The following RNF115 variants were observed in gnomAD, a reference collection of about 807,000 sequenced individuals.
RNF115 encodes the protein ring finger protein 115.
RNF115 carries 31 observed loss-of-function variants against 39.2 expected under a neutral mutation model. That is an observed-to-expected ratio of 0.79 (90% confidence interval 0.59 to 1.07). The LOEUF (loss-of-function observed/expected upper bound fraction) is 1.07. Among genes scored for constraint, RNF115 ranks in the 50% least tolerant of loss-of-function variants. RNF115 has a pLI of 0.00. For missense variants in RNF115, 384 were observed against 381.7 expected (o/e 1.01, Z -0.05); for synonymous variants, 124 against 131.0 (o/e 0.95, Z 0.37).
rs1158561670 is a variant in RNF115, at chr1:145,803,245, T to C, written c.103-14279A>G. On this transcript the variant is annotated intron_variant, in intron 1 of 8. Coordinates refer to ENST00000582693, the MANE Select transcript of RNF115 (RefSeq NM_014455.4). ...ATCAGTTTACTAAAAAGGAAAACAA[T>C]AGGCCACAGTTTCAGTGTTACACAA... Among the ~76,000 whole-genome samples, 3 of 136,936 alleles carry C rather than the reference T, an allele frequency of 2.2e-5. No individual in the cohort carries two copies. The East Asian group carries it at 6.0e-4, about 27-fold the overall frequency. 89.8% of individuals were successfully genotyped at this position (136,936 alleles called of 152,430 possible).
chr1:145,774,604 G>A (rs1647795105), intron 3 of RNF115, among the ~76,000 whole-genome samples: 1 of 152,072 alleles, frequency 6.6e-6, no homozygotes, highest in Non-Finnish European at 1.5e-5. Flanking sequence ...GCCCACCTCG[G>A]CCTCCCAAAG....
chr1:145,812,528 C>T lies in RNF115; in HGVS notation c.102+11244G>A, dbSNP rs1226548522. 5.3e-5 allele frequency among the ~76,000 whole-genome samples: 8 copies of T among 151,554 alleles called. No individual in the cohort carries two copies. In the East Asian group the frequency reaches 7.8e-4, roughly 15 times the overall value. ...TACAAAAATTAGCCAGGTGTGGTGG[C>T]GCACACCCATAATCTCAGTTACTCG... is the stretch of plus-strand genomic sequence containing the variant. On this transcript the variant is annotated intron_variant, in intron 1 of 8. Transcript: ENST00000582693.
At chr1:145,802,730 G>A (rs587702856) in intron 1 of RNF115, among the ~76,000 whole-genome samples, 28 of 152,272 alleles carry the variant, frequency 1.8e-4, no homozygotes, top group African/African-American at 6.7e-4. Flanking sequence ...TTTTAAGTTA[G>A]TCACATTCTA....
In RNF115 at chr1:145,740,818, A is replaced by G. The variant is rs963977704; in HGVS notation, c.*6048T>C. ...AAAAATACTAATAATATGGCTATCAAGTTGTTGGAAGGGAATCTAATAATT... is the reference window on the plus strand; with the variant it reads ...AAAAATACTAATAATATGGCTATCAGGTTGTTGGAAGGGAATCTAATAATT... On this transcript the variant is annotated 3_prime_UTR_variant, in exon 9 of 9. Coordinates refer to ENST00000582693, the MANE Select transcript of RNF115 (RefSeq NM_014455.4). 1.3e-5 allele frequency: 2 copies of G among 152,182 alleles called. No homozygotes were observed. The highest frequency in any genetic ancestry group is 2.4e-5 in the African/African-American group (1 of 41,440). 9.4% of individuals were successfully genotyped at this position (152,182 alleles called of 1,614,324 possible).
At chr1:145,814,747 CATTTAT>C (rs1553723220) in intron 1 of RNF115, among the ~76,000 whole-genome samples, 2 of 152,044 alleles carry the variant, frequency 1.3e-5, no homozygotes, top group African/African-American at 4.8e-5. Context: ...CCAATATATA[CATTTAT>C]ATTTATCAGT....
intron 3 of RNF115, among the ~76,000 whole-genome samples, chr1:145,777,589 G>A (rs587609296): frequency 6.6e-6 from 1 of 151,866 alleles, no homozygotes; most frequent in Non-Finnish European, 1.5e-5. Context: ...ATTTGTCTCT[G>A]AGTAGACTTA....
rs924296383 is a variant in RNF115, at chr1:145,742,681, T to A, written c.*4185A>T. ...GTGCATACACGTGTTTGTCTGTGAA[T>A]ATATAAATATCTCTATTTACACATA... On this transcript the variant is annotated 3_prime_UTR_variant, in exon 9 of 9. Coordinates refer to ENST00000582693, the MANE Select transcript of RNF115 (RefSeq NM_014455.4). 6 of 152,232 alleles carry A rather than the reference T, an allele frequency of 3.9e-5. No individual in the cohort carries two copies. Among genetic ancestry groups the A allele is most frequent in the Admixed American group, 3.9e-4 (6 of 15,276 alleles). The allele number at this position is 152,232 out of a possible 1,614,324, so 9.4% of individuals were successfully genotyped here. A position where few individuals can be genotyped will look rare whatever the true frequency, so the allele number is the denominator to read the frequency against.
chr1:145,795,805 C>G (rs587769900), intron 1 of RNF115, among the ~76,000 whole-genome samples: 4 of 152,318 alleles, frequency 2.6e-5, no homozygotes, highest in African/African-American at 9.6e-5. Context: ...ATTTTGATTT[C>G]AGGGAAGAAA....
intron 4 of RNF115, among the ~76,000 whole-genome samples, chr1:145,763,690 C>T (rs1182906301): frequency 1.3e-5 from 2 of 151,962 alleles, no homozygotes; most frequent in Non-Finnish European, 2.9e-5. Context: ...CAGAGTGAGA[C>T]TCCCTCTCAA....
intron 1 of RNF115, among the ~76,000 whole-genome samples, chr1:145,789,425 TTTTC>T (rs1648551974): frequency 6.6e-6 from 1 of 150,658 alleles, no homozygotes; most frequent in Non-Finnish European, 1.5e-5. Flanking sequence ...TTTTTTTTGT[TTTTC>T]TTTTTGTTGC....
chr1:145,819,916 T>C (rs1650159565), intron 1 of RNF115, among the ~76,000 whole-genome samples: 1 of 151,946 alleles, frequency 6.6e-6, no homozygotes, highest in Non-Finnish European at 1.5e-5. Flanking sequence ...TGCAAACCTG[T>C]AATCCCAGGT....
chr1:145,750,458 T>C lies in RNF115; in HGVS notation c.616A>G (p.Lys206Glu), dbSNP rs782792816. The change falls in exon 7 of 9, where the codon AAG becomes GAG. Residue 206 changes from lysine to glutamate, a missense_variant. By Grantham distance (56) the Lys-to-Glu change is moderately conservative. Coordinates refer to ENST00000582693, the MANE Select transcript of RNF115 (RefSeq NM_014455.4). ...LENTGPPPAD[K>E]EKITSLPTVT... The stretch of plus-strand genomic sequence containing the variant: ...GTTGGAAGAGATGTGATCTTTTCCT[T>C]GTCAGCTGGGGGAGGGCCTGTGTTT... 1.8e-5 allele frequency: 29 copies of C among 1,614,120 alleles called. No individual in the cohort carries two copies. Among genetic ancestry groups the C allele is most frequent in the Non-Finnish European group, 2.4e-5 (28 of 1,179,982 alleles).
intron 3 of RNF115, among the ~76,000 whole-genome samples, chr1:145,783,532 T>G (rs1222799242): frequency 6.6e-6 from 1 of 152,238 alleles, no homozygotes; most frequent in Admixed American, 6.5e-5. Flanking sequence ...GTGAAATATT[T>G]TGCTATCTCT....
intron 4 of RNF115, among the ~76,000 whole-genome samples, chr1:145,766,043 C>A (rs1200398381): frequency 6.6e-6 from 1 of 150,908 alleles, no homozygotes; most frequent in Non-Finnish European, 1.5e-5. Context: ...GTGTTTCTCG[C>A]AGAGGGAGAT....
intron 1 of RNF115, among the ~76,000 whole-genome samples, chr1:145,793,677 A>G (rs1648791460): frequency 6.6e-6 from 1 of 151,914 alleles, no homozygotes; most frequent in Non-Finnish European, 1.5e-5. Flanking sequence ...TGCTCATACT[A>G]GAAACCCGGG....
intron 4 of RNF115, among the ~76,000 whole-genome samples, chr1:145,769,463 A>C (rs1553715439): frequency 1.3e-5 from 2 of 152,200 alleles, no homozygotes; most frequent in East Asian, 3.8e-4. Context: ...TAAAACCGAT[A>C]CTGCACTAGA....
At chr1:145,794,498 CTTTCTTTT>C (rs1648844397) in intron 1 of RNF115, among the ~76,000 whole-genome samples, 1 of 114,928 alleles carries the variant, frequency 8.7e-6, no homozygotes, top group African/African-American at 3.4e-5. Flanking sequence ...CATCTAATCT[CTTTCTTTT>C]TTTTTTTTTT....
At chr1:145,756,831 C>CTTTTTTT (rs142073195) in intron 4 of RNF115, among the ~76,000 whole-genome samples, 15 of 67,872 alleles carry the variant, frequency 2.2e-4, no homozygotes, top group Non-Finnish European at 2.9e-4. Context: ...TTTCTAGCTT[C>CTTTTTTT]TTTTTTTTTT....
chr1:145,755,095 A>T (rs1346910288), intron 4 of RNF115, among the ~76,000 whole-genome samples: 1 of 151,994 alleles, frequency 6.6e-6, no homozygotes, highest in East Asian at 1.9e-4. Flanking sequence ...ACAAAAATTA[A>T]CCAGGCATTA....
Sources: gnomAD v4.1 joint callset for allele counts (sites outside exome capture counted in the v4.1 genomes callset) on GRCh38, gnomAD v4.1.1 for gene constraint, MANE v1.5 for transcripts, NCBI Gene and HGNC (gene_info 2026-07-23, HGNC 2026-07-21) for gene names.